ATG7: variants seen among roughly 807,000 people sequenced by gnomAD.
ATG7 encodes the protein autophagy related 7, also known as ubiquitin-like modifier-activating enzyme ATG7.
A neutral mutation model predicts 82.4 loss-of-function variants in ATG7; 70 were observed. The ratio of observed to expected loss-of-function variants is 0.85; its 90% confidence interval spans 0.70 to 1.04. The LOEUF (loss-of-function observed/expected upper bound fraction) is 1.04. ATG7 is among the 50% of genes least tolerant of loss of function. The pLI is 0.00. For synonymous variants in ATG7, 287 were observed against 313.0 expected (o/e 0.92, Z 0.88); for missense variants, 792 against 864.3 (o/e 0.92, Z 1.05).
chr3:11,437,759 C>G (rs1253494806), intron 20 of ATG7, among the ~76,000 whole-genome samples: 1 of 152,134 alleles, frequency 6.6e-6, no homozygotes, highest in Admixed American at 6.5e-5. Flanking sequence ...TATACTTGCT[C>G]GTTTTCTCTT....
intron 20 of ATG7, among the ~76,000 whole-genome samples, chr3:11,440,195 T>C (rs956148914): frequency 3.3e-5 from 5 of 152,342 alleles, no homozygotes; most frequent in Non-Finnish European, 5.9e-5. Context: ...TTTCTTACTC[T>C]TAAACTGGCT....
At chr3:11,523,656 G>A (rs945404296) in intron 20 of ATG7, among the ~76,000 whole-genome samples, 3 of 152,236 alleles carry the variant, frequency 2.0e-5, no homozygotes, top group Non-Finnish European at 2.9e-5. Flanking sequence ...TGGAGGAAGT[G>A]CTCTGGTGAT....
chr3:11,389,382 T>A (rs2078594495), intron 19 of ATG7, among the ~76,000 whole-genome samples: 1 of 149,688 alleles, frequency 6.7e-6, no homozygotes, highest in Non-Finnish European at 1.5e-5. Flanking sequence ...TTTTCTAGAG[T>A]GTCTGACCTT....
Position 11,309,022 on chromosome 3 carries a change from C to G in ATG7, c.372C>G (p.Asn124Lys). The part of the protein sequence containing the change: ...ESIKSGTALE[N>K]PVLLNKFLLL... ...TAAAATCAGGCACTGCTCTTGAAAA[C>G]CCTGTACTCCTCAACAAGTTCCTCC... is the stretch of plus-strand genomic sequence containing the variant. The change falls in exon 7 of 21, where the codon AAC becomes AAG. Residue 124 changes from asparagine to lysine, a missense_variant. Asn to Lys is a moderately conservative substitution (Grantham distance 94). Coordinates refer to ENST00000693202, the MANE Select transcript of ATG7 (RefSeq NM_001349232.2). 1 of 1,614,110 alleles carries G rather than the reference C, an allele frequency of 6.2e-7. No homozygotes were observed. Among genetic ancestry groups the G allele is most frequent in the Non-Finnish European group, 8.5e-7 (1 of 1,179,962 alleles).
At chr3:11,560,354 C>T (rs2072873108), downstream of ATG7, among the ~76,000 whole-genome samples, 1 of 152,196 alleles carries the variant, frequency 6.6e-6, no homozygotes, top group Non-Finnish European at 1.5e-5. Flanking sequence ...TCCAATACCC[C>T]CGAGGACAAG....
chr3:11,412,003 G>A (rs1301057925), intron 19 of ATG7, among the ~76,000 whole-genome samples: 2 of 151,350 alleles, frequency 1.3e-5, no homozygotes, highest in Admixed American at 6.6e-5. Context: ...AAACACCAGG[G>A]TATTCTGTCT....
At chr3:11,506,159 C>T (rs915775014) in intron 20 of ATG7, among the ~76,000 whole-genome samples, 8 of 152,010 alleles carry the variant, frequency 5.3e-5, no homozygotes, top group African/African-American at 1.7e-4. Flanking sequence ...AGTCCAGGTA[C>T]GTTTGTGTAT....
chr3:11,352,241 C>CA (rs1257161928), intron 14 of ATG7, among the ~76,000 whole-genome samples: 4 of 152,114 alleles, frequency 2.6e-5, no homozygotes, highest in African/African-American at 9.7e-5. Flanking sequence ...TTTCTTAATC[C>CA]AGTCTATCAT....
chr3:11,558,626 C>T (rs772707995), downstream of ATG7: 18 of 1,608,642 alleles, frequency 1.1e-5, no homozygotes, highest in Middle Eastern at 3.3e-4. Flanking sequence ...CTGGCCCCTG[C>T]GAGAGGCGGA....
intron 9 of ATG7, among the ~76,000 whole-genome samples, chr3:11,321,538 A>G (rs1950224815): frequency 6.6e-6 from 1 of 152,182 alleles, no homozygotes. Flanking sequence ...GAGACTAGGG[A>G]ATGGAAGCCT....
rs147503146 is a variant in ATG7 at position 11,400,604 on chromosome 3, C to T, written c.1956+20552C>T. Among the ~76,000 whole-genome samples, 571 of 152,020 alleles carry T rather than the reference C, an allele frequency of 3.8e-3. 3 individuals carry two copies. Among genetic ancestry groups the T allele is most frequent in the African/African-American group, 0.012 (508 of 41,448 alleles). On this transcript the variant is annotated intron_variant, in intron 19 of 20. Transcript: ENST00000693202. ...CTGATTTTTAAGTGTTGGTTCACAC[C>T]GCACCCCCCACCCCAAAATACTGCT... is the stretch of plus-strand genomic sequence containing the variant.
intron 20 of ATG7, among the ~76,000 whole-genome samples, chr3:11,428,748 A>G (rs2082591119): frequency 6.6e-6 from 1 of 152,248 alleles, no homozygotes; most frequent in African/African-American, 2.4e-5. Context: ...ACATACAGTC[A>G]TTTGATGGCT....
intron 20 of ATG7, among the ~76,000 whole-genome samples, chr3:11,462,191 A>G (rs956829187): frequency 1.3e-5 from 2 of 152,106 alleles, no homozygotes; most frequent in African/African-American, 4.8e-5. Context: ...CCACCCTTCT[A>G]GAACTCAGTT....
At chr3:11,500,520 C>T (rs549458650) in intron 20 of ATG7, among the ~76,000 whole-genome samples, 135 of 152,274 alleles carry the variant, frequency 8.9e-4, no homozygotes, top group African/African-American at 2.9e-3. Flanking sequence ...TTTTAAAACT[C>T]CCCTTAGGTC....
intron 20 of ATG7, among the ~76,000 whole-genome samples, chr3:11,528,825 CAAAAAA>C (rs11377789): frequency 1.1e-5 from 1 of 88,744 alleles, no homozygotes; most frequent in Admixed American, 1.3e-4. Flanking sequence ...GACTCCATCT[CAAAAAA>C]AAAAAAAAAA....
chr3:11,327,956 G>A (rs952524239), intron 9 of ATG7, among the ~76,000 whole-genome samples: 1 of 152,238 alleles, frequency 6.6e-6, no homozygotes, highest in Non-Finnish European at 1.5e-5. Context: ...ATTTTGAGGA[G>A]TATGGGAAGA....
the ATG7 span, among the ~76,000 whole-genome samples, chr3:11,571,981 C>T: frequency 6.6e-6 from 1 of 152,162 alleles, no homozygotes; most frequent in Admixed American, 6.5e-5. Flanking sequence ...GTGTCACGTA[C>T]CTGCAGCCCC....
chr3:11,532,587 G>A (rs868583611), intron 20 of ATG7, among the ~76,000 whole-genome samples: 72 of 152,154 alleles, frequency 4.7e-4, no homozygotes, highest in African/African-American at 1.6e-3. Context: ...GCCAGGTGTG[G>A]TGGTGCGCAC....
chr3:11,354,980 A>G (rs57963125), intron 14 of ATG7, among the ~76,000 whole-genome samples: 3,769 of 152,306 alleles, frequency 0.025, 156 homozygotes, highest in African/African-American at 0.082. Flanking sequence ...TCTTGGTCTC[A>G]GTGAGCTGAG....
Sources: allele counts gnomAD v4.1 joint callset (sites outside exome capture counted in the v4.1 genomes callset), GRCh38; gene constraint gnomAD v4.1.1; transcripts MANE v1.5; gene names NCBI Gene and HGNC (gene_info 2026-07-23, HGNC 2026-07-21).